Variants in FLNA observed in about 807,000 individuals in gnomAD.
The protein encoded by FLNA is filamin-A.
In FLNA, 7 loss-of-function variants were observed where a neutral mutation model predicts 157.6. That is an observed-to-expected ratio of 0.04 (90% confidence interval 0.03 to 0.08). FLNA has a LOEUF of 0.08. Ranked by LOEUF, FLNA falls within the 10% of genes least tolerant of loss-of-function variation. The pLI is 1.00. For synonymous variants in FLNA, 1,103 were observed against 1,060.8 expected, an observed-to-expected ratio of 1.04 and a Z score of -0.77; for missense variants, 1,750 against 2,398.4, an observed-to-expected ratio of 0.73 and a Z score of 5.65.
rs782136836 is a variant in FLNA, at chrX:154,361,406, C to G, written c.3109G>C (p.Glu1037Gln). 1.4e-5 allele frequency: 17 copies of G among 1,210,778 alleles called. No homozygotes were observed. Among genetic ancestry groups the G allele is most frequent in the Non-Finnish European group, 1.9e-5 (17 of 895,203 alleles). ...DNSVVRFLPR[E>Q]EGPYEVEVTY... Reference sequence around the variant, plus strand: ...ACCTCCACCTCATAGGGCCCTTCCTCACGGGGCAGGAAGCGCACCACACTG... The same window carrying G: ...ACCTCCACCTCATAGGGCCCTTCCTGACGGGGCAGGAAGCGCACCACACTG... The change falls in exon 21 of 48, where the codon GAG (glutamate) becomes CAG (glutamine). Residue 1037 changes from glutamate (E) to glutamine (Q), a missense_variant. This residue lies in a region of FLNA where 648 missense variants were observed against 805.8 expected (regional missense o/e 0.80). Transcript: ENST00000369850.
Position 154,353,540 on chromosome X carries a change from C to T in FLNA, c.5860+14G>A. 8.3e-7 allele frequency: 1 copy of T among 1,210,815 alleles called. No individual in the cohort carries two copies. Among genetic ancestry groups the T allele is most frequent in the Non-Finnish European group, 1.1e-6 (1 of 894,683 alleles). ...CTGCCACCCGTTTCTGTCACTGCTC[C>T]CAGTGCCACCCACCTGTGACCCGAG... On this transcript the variant is annotated intron_variant, in intron 36 of 47. Coordinates refer to ENST00000369850, the MANE Select transcript of FLNA (RefSeq NM_001110556.2).
rs1569551642 is a variant in FLNA at position 154,359,727 on chromosome X, C to T, written c.3979+5G>A. ...TGCCAGCCTGTGGGAGTCCCCAGCA[C>T]GCACCCTCCTCGTAAGGCGTGTACT... On this transcript the variant is annotated splice_donor_5th_base_variant and intron_variant, in intron 23 of 47. Coordinates refer to ENST00000369850, the MANE Select transcript of FLNA (RefSeq NM_001110556.2). The T allele has an allele frequency of 2.5e-6, 3 of 1,210,622 alleles. No homozygotes were observed. The highest frequency in any genetic ancestry group is 3.4e-6 in the Non-Finnish European group (3 of 895,259).
At chrX:154,352,053 C>A in intron 41 of FLNA, 32 bp from the exon 42 acceptor site, 11 of 1,211,273 alleles carry the variant, frequency 9.1e-6, no homozygotes, top group African/African-American at 3.4e-5. Flanking sequence ...TCACTGAAGG[C>A]TGCTTCACCA....
At chrX:154,367,247 CA>C in intron 5 of FLNA, 149 bp downstream of exon 5, 2 of 596,895 alleles carry the variant, frequency 3.4e-6, no homozygotes, top group Non-Finnish European at 5.2e-6. Flanking sequence ...TCACTAGTCC[CA>C]AAAACCCACT....
intron 30 of FLNA, among the ~76,000 whole-genome samples, chrX:154,355,379 C>T (rs1557176709): frequency 1.8e-5 from 2 of 113,907 alleles, no homozygotes; most frequent in Admixed American, 1.8e-4. Context: ...CCCTTGCCTA[C>T]TCAGCCTCGT....
At chrX:154,365,601 G>T in intron 9 of FLNA, 115 bp from the exon 10 acceptor site, 1 of 900,755 alleles carries the variant, frequency 1.1e-6, no homozygotes, top group Non-Finnish European at 1.6e-6. Flanking sequence ...GGCTGGAGGG[G>T]GACATGCAAG....
At chrX:154,371,542 G>A (rs962839887) in intron 1 of FLNA, among the ~76,000 whole-genome samples, 181 bp from the exon 2 acceptor site, 4 of 112,424 alleles carry the variant, frequency 3.6e-5, no homozygotes, top group African/African-American at 3.2e-5. Context: ...CCGGGCTCCA[G>A]GGTGGGTCGC....
At chrX:154,355,716 C>A (rs1309663507) in intron 30 of FLNA, among the ~76,000 whole-genome samples, 1 of 113,116 alleles carries the variant, frequency 8.8e-6, no homozygotes. Context: ...CCCAGGGAGA[C>A]AGGGAACAGG....
intron 15 of FLNA, among the ~76,000 whole-genome samples, chrX:154,363,668 G>A (rs1284465330): frequency 6.4e-5 from 7 of 108,764 alleles, no homozygotes; most frequent in East Asian, 5.8e-4. Flanking sequence ...AGCCGAGATC[G>A]CGCCATTGCA....
chrX:154,373,407 A>G (rs906096648), intron 1 of FLNA, among the ~76,000 whole-genome samples: 1 of 112,378 alleles, frequency 8.9e-6, no homozygotes, highest in Non-Finnish European at 1.9e-5. Context: ...TTTAGAGGAA[A>G]CAAGGAATGG....
At position 154,364,594 on chromosome X, in the gene FLNA, C is replaced by T. The variant is rs782043699; in HGVS notation, c.1954G>A (p.Glu652Lys). The T allele has an allele frequency of 9.1e-6, 11 of 1,211,235 alleles. No homozygotes were observed. The highest frequency in any genetic ancestry group is 3.5e-5 in the South Asian group (2 of 56,997). Residue 652 changes from glutamate to lysine, a missense_variant, in exon 13 of 48, where the codon GAA (glutamate) becomes AAA (lysine). Coordinates refer to ENST00000369850, the MANE Select transcript of FLNA (RefSeq NM_001110556.2). ...ATGAAGGGGCTGAGGCGGATGTCTT[C>T]GCTGTTGCACAGCACGTGAACGGCA... ...EYAVHVLCNS[E>K]DIRLSPFMAD...
chrX:154,361,953 G>T lies in FLNA; in HGVS notation c.2826+26C>A, dbSNP rs782125983. 2.5e-6 allele frequency: 3 copies of T among 1,204,106 alleles called. No homozygotes were observed. The African/African-American group carries it at 5.3e-5, about 21-fold the overall frequency. On this transcript the variant is annotated intron_variant, in intron 19 of 47. Transcript: ENST00000369850. ...GCTGCATGAGGAGGCTGGGGACTCG[G>T]TGACTGTAGTGGAGGGTGTGGCTAC... is the stretch of plus-strand genomic sequence containing the variant.
intron 43 of FLNA, chrX:154,351,306 AG>A (rs1427756134): frequency 2.7e-5 from 12 of 439,018 alleles, no homozygotes; most frequent in African/African-American, 2.7e-4. Flanking sequence ...CAGCCTTGGC[AG>A]GCTGTCCCTC....
At position 154,354,646 on chromosome X, in the gene FLNA, G is replaced by A. The variant is rs782313331; in HGVS notation, c.5283C>T (p.Tyr1761=). 9 of 1,205,265 alleles carry A rather than the reference G, an allele frequency of 7.5e-6. No individual in the cohort carries two copies. Among genetic ancestry groups the A allele is most frequent in the South Asian group, 1.8e-5 (1 of 56,143 alleles). ...PLRSQQLAPQ[Y]TYAQGGQQTW... The stretch of plus-strand genomic sequence containing the variant: ...TCTGCTGGCCGCCCTGGGCGTAGGT[G>A]TACTGTGGGGCCAGCTGCTGAGACC... Residue 1761 remains tyrosine (Y), a synonymous_variant, in exon 32 of 48, where the codon TAC becomes TAT. Transcript: ENST00000369850.
intron 21 of FLNA, 54 bp from the exon 22 acceptor site, chrX:154,360,641 C>T: frequency 9.3e-7 from 1 of 1,070,861 alleles, no homozygotes; most frequent in Non-Finnish European, 1.3e-6. Context: ...GATCCCAGAC[C>T]TCCTGCTTGA....
chrX:154,354,630 C>T lies in FLNA; in HGVS notation c.5299G>A (p.Gly1767Ser), dbSNP rs1557176498. 5.0e-6 allele frequency: 6 copies of T among 1,201,383 alleles called. No homozygotes were observed. Among genetic ancestry groups the T allele is most frequent in the African/African-American group, 3.5e-5 (2 of 57,383 alleles). ...CCAGGCCGTACCCAAGTCTGCTGGCCGCCCTGGGCGTAGGTGTACTGTGGG... is the reference window on the plus strand; with the variant it reads ...CCAGGCCGTACCCAAGTCTGCTGGCTGCCCTGGGCGTAGGTGTACTGTGGG... The part of the protein sequence containing the change: ...LAPQYTYAQG[G>S]QQTWAPERPL... The change falls in exon 32 of 48, where the codon GGC (glycine) becomes AGC (serine). Residue 1767 changes from glycine (G) to serine (S), a missense_variant. Transcript: ENST00000369850.
At position 154,364,881 on chromosome X, in the gene FLNA, C is replaced by T. The variant is rs782776511; in HGVS notation, c.1768G>A (p.Val590Ile). 19 of 1,210,174 alleles carry T rather than the reference C, an allele frequency of 1.6e-5. No homozygotes were observed. The African/African-American group carries it at 1.9e-4, about 12-fold the overall frequency. ...ACAAAGTCTGCTGACTTGCCAACGA[C>T]GCCGCCCTCCAGCCCAGGGCCCCAG... Reference protein sequence around the residue: ...RAWGPGLEGGVVGKSADFVVE... With the variant: ...RAWGPGLEGGIVGKSADFVVE... The change falls in exon 12 of 48, where the codon GTC (valine) becomes ATC (isoleucine). Residue 590 changes from valine (V) to isoleucine (I), a missense_variant. This residue lies in a region of FLNA where 648 missense variants were observed against 805.8 expected (regional missense o/e 0.80). Transcript: ENST00000369850.
At position 154,357,546 on chromosome X, in the gene FLNA, G is replaced by A. The variant is rs1444219497; in HGVS notation, c.4833C>T (p.Asp1611=). 7.4e-6 allele frequency: 9 copies of A among 1,210,340 alleles called. No individual in the cohort carries two copies. The highest frequency in any genetic ancestry group is 5.2e-5 in the African/African-American group (3 of 57,561). The change falls in exon 29 of 48, where the codon GAC becomes GAT. Residue 1611 remains aspartate (D), a synonymous_variant. Transcript: ENST00000369850. ...TGAGGATGGTGTAGCGACCTGTCAC[G>A]TCTGGCACGTAGGCCACTGTATACG... The part of the protein sequence containing the change: ...DGTYTVAYVP[D]VTGRYTILIK...
rs1557178260 is a variant in FLNA, at chrX:154,362,472, C to T, written c.2511G>A (p.Lys837=). Residue 837 remains lysine, a synonymous_variant, in exon 17 of 48, where the codon AAG becomes AAA. Coordinates refer to ENST00000369850, the MANE Select transcript of FLNA (RefSeq NM_001110556.2). ...AGCTGCCAGCCCCCCGGGGCGTGTACTTGACCGTGAAGGTGTCATTGTCAT... is the reference window on the plus strand; with the variant it reads ...AGCTGCCAGCCCCCCGGGGCGTGTATTTGACCGTGAAGGTGTCATTGTCAT... ...IRNDNDTFTV[K]YTPRGAGSYT... 1 of 1,211,991 alleles carries T rather than the reference C, an allele frequency of 8.3e-7. No individual in the cohort carries two copies. The highest frequency in any genetic ancestry group is 1.8e-5 in the South Asian group (1 of 57,054).
Sources: gnomAD v4.1 joint callset for allele counts (sites outside exome capture counted in the v4.1 genomes callset) on GRCh38, gnomAD v4.1.1 for gene constraint, gnomAD v4.1.1 regional missense constraint, MANE v1.5 for transcripts, NCBI Gene and HGNC (gene_info 2026-07-23, HGNC 2026-07-21) for gene names.